KCNIP4: variants seen among roughly 807,000 people sequenced by gnomAD.
KCNIP4 encodes potassium voltage-gated channel interacting protein 4.
KCNIP4 carries 12 observed loss-of-function variants against 34.0 expected under a neutral mutation model. That is an observed-to-expected ratio of 0.35 (90% CI 0.23 to 0.57). The LOEUF (loss-of-function observed/expected upper bound fraction) is 0.57. Ranked by LOEUF, KCNIP4 falls within the 20% of genes least tolerant of loss-of-function variation. The probability of loss-of-function intolerance (pLI) is 0.83; values close to 1 mark genes in which losing one functional copy is unlikely to be tolerated. For missense variants in KCNIP4, 238 were observed against 311.7 expected (o/e 0.76, Z 1.78); for synonymous variants, 124 against 102.2 (o/e 1.21, Z -1.29).
chr4:21,425,402 A>G (rs1725844922), intron 1 of KCNIP4, among the ~76,000 whole-genome samples: 1 of 152,148 alleles, frequency 6.6e-6, no homozygotes, highest in South Asian at 2.1e-4. Flanking sequence ...GTGAATCAGC[A>G]GGACATTAAA....
intron 1 of KCNIP4, among the ~76,000 whole-genome samples, chr4:21,515,539 T>C (rs1379409013): frequency 6.6e-6 from 1 of 152,100 alleles, no homozygotes; most frequent in African/African-American, 2.4e-5. Flanking sequence ...CTCAGGAGGC[T>C]GAGGCAGGAG....
chr4:20,837,677 TATATATATA>T (rs1366935118), intron 3 of KCNIP4, among the ~76,000 whole-genome samples: 67 of 81,296 alleles, frequency 8.2e-4, no homozygotes, highest in African/African-American at 3.2e-3. Flanking sequence ...TATATATATA[TATATATATA>T]TTTTTTTTTC....
chr4:21,882,899 T>C (rs908945298), intron 1 of KCNIP4, among the ~76,000 whole-genome samples: 2 of 152,174 alleles, frequency 1.3e-5, no homozygotes, highest in African/African-American at 4.8e-5. Context: ...TTTGCTAATG[T>C]AGTAAAAACA....
chr4:21,104,258 T>G (rs189042357), intron 1 of KCNIP4, among the ~76,000 whole-genome samples: 43,452 of 150,852 alleles, frequency 0.29, 6,905 homozygotes, highest in African/African-American at 0.43. Context: ...AGCACCTGTT[T>G]TTTCCTGACA....
intron 1 of KCNIP4, among the ~76,000 whole-genome samples, chr4:21,116,698 C>A (rs1462581527): frequency 6.6e-6 from 1 of 152,196 alleles, no homozygotes; most frequent in Admixed American, 6.5e-5. Context: ...TCAGAGTAGA[C>A]TACCAGCAGA....
At chr4:21,687,317 A>T (rs889040304) in intron 1 of KCNIP4, among the ~76,000 whole-genome samples, 6 of 92,960 alleles carry the variant, frequency 6.5e-5, no homozygotes, top group Non-Finnish European at 1.5e-4. Flanking sequence ...CTTAAAGTAT[A>T]AAAAAAAAAA....
At position 21,759,405 on chromosome 4, in the gene KCNIP4, A is replaced by AACTT. The variant is rs1358038458; in HGVS notation, c.61+189162_61+189165dup. ...CTTAACAAATCACAAAAGTAATTTG[A>AACTT]ACTTATTGCCAAGTGAAAAAGAAAT... On this transcript the variant is annotated intron_variant, in intron 1 of 8. Transcript: ENST00000382152. 7.2e-5 allele frequency among the ~76,000 whole-genome samples: 11 copies of AACTT among 152,336 alleles called. 2 individuals carry two copies. The highest frequency in any genetic ancestry group is 2.6e-4 in the African/African-American group (11 of 41,580).
intron 1 of KCNIP4, among the ~76,000 whole-genome samples, chr4:20,981,084 C>G (rs1252398832): frequency 1.3e-5 from 2 of 152,184 alleles, no homozygotes; most frequent in South Asian, 4.1e-4. Context: ...AAACAGGCAG[C>G]AGGCCTAGGA....
intron 1 of KCNIP4, among the ~76,000 whole-genome samples, chr4:21,471,158 T>C (rs1441791192): frequency 1.3e-5 from 2 of 152,192 alleles, no homozygotes; most frequent in Admixed American, 1.3e-4. Flanking sequence ...CTTTAATTTG[T>C]TTGGCAAGTA....
At chr4:20,918,091 G>T (rs372924584) in intron 1 of KCNIP4, among the ~76,000 whole-genome samples, 1 of 152,054 alleles carries the variant, frequency 6.6e-6, no homozygotes, top group South Asian at 2.1e-4. Flanking sequence ...ATTACTTACA[G>T]TGGGACGAAT....
chr4:20,898,685 A>G (rs576460182), intron 1 of KCNIP4, among the ~76,000 whole-genome samples: 2 of 152,326 alleles, frequency 1.3e-5, no homozygotes, highest in East Asian at 1.9e-4. Flanking sequence ...TAGAGTCTCA[A>G]TTGAAGAAAC....
At chr4:21,468,796 A>T (rs1730208438) in intron 1 of KCNIP4, among the ~76,000 whole-genome samples, 1 of 152,080 alleles carries the variant, frequency 6.6e-6, no homozygotes, top group African/African-American at 2.4e-5. Context: ...TTAAAGCAAA[A>T]CCCTGTTTCG....
intron 1 of KCNIP4, among the ~76,000 whole-genome samples, chr4:21,196,542 G>A (rs1756068685): frequency 6.6e-6 from 1 of 152,242 alleles, no homozygotes; most frequent in South Asian, 2.1e-4. Flanking sequence ...ATTTATCTGT[G>A]CAAGACTGGC....
chr4:21,387,366 A>G (rs762946479), intron 1 of KCNIP4, among the ~76,000 whole-genome samples: 2 of 152,154 alleles, frequency 1.3e-5, no homozygotes, highest in Non-Finnish European at 2.9e-5. Flanking sequence ...ACGTTTAATT[A>G]TATTTTACAC....
At chr4:21,617,930 C>A (rs1744715615) in intron 1 of KCNIP4, among the ~76,000 whole-genome samples, 1 of 152,070 alleles carries the variant, frequency 6.6e-6, no homozygotes, top group African/African-American at 2.4e-5. Flanking sequence ...TTTGAATTAC[C>A]TGACAGGTAT....
chr4:21,128,149 A>T (rs1299221107), intron 1 of KCNIP4, among the ~76,000 whole-genome samples: 1 of 152,220 alleles, frequency 6.6e-6, no homozygotes, highest in East Asian at 1.9e-4. Context: ...TATTACAAAG[A>T]ATTGCAAGGA....
chr4:21,171,793 C>A lies in KCNIP4; in HGVS notation c.62-289084G>T, dbSNP rs1265612177. 2.6e-5 allele frequency among the ~76,000 whole-genome samples: 4 copies of A among 152,140 alleles called. No homozygotes were observed. In the East Asian group the frequency reaches 5.8e-4, roughly 22 times the overall value. On this transcript the variant is annotated intron_variant, in intron 1 of 8. Transcript: ENST00000382152. Reference sequence around the variant, plus strand: ...ACATGTGTGTGAGATCTTAGTAGAGCACATGGACTCAGCACTTGCTCAGTT... The same window carrying A: ...ACATGTGTGTGAGATCTTAGTAGAGAACATGGACTCAGCACTTGCTCAGTT...
chr4:21,942,165 T>C (rs774976694), intron 1 of KCNIP4, among the ~76,000 whole-genome samples: 15 of 152,204 alleles, frequency 9.9e-5, no homozygotes, highest in Non-Finnish European at 2.1e-4. Flanking sequence ...TGGGTGTATA[T>C]ACACTGAATG....
intron 8 of KCNIP4, chr4:20,731,765 A>G (rs1317250267): frequency 1.7e-5 from 17 of 985,296 alleles, no homozygotes; most frequent in Non-Finnish European, 2.0e-5. Context: ...TCAACACAGT[A>G]CATGTACAAC....
Sources: allele counts gnomAD v4.1 joint callset (sites outside exome capture counted in the v4.1 genomes callset), GRCh38; gene constraint gnomAD v4.1.1; transcripts MANE v1.5; gene names NCBI Gene and HGNC (gene_info 2026-07-23, HGNC 2026-07-21).